The following CENPP variants were observed in gnomAD, a reference collection of about 807,000 sequenced individuals.
CENPP encodes the protein centromere protein P.
CENPP carries 24 observed loss-of-function variants against 35.6 expected under a neutral mutation model. The observed-to-expected ratio is 0.67, with a 90% CI of 0.49 to 0.95. The LOEUF (loss-of-function observed/expected upper bound fraction) is 0.95, where lower values mean the gene tolerates loss of function less well. CENPP is among the 40% of genes least tolerant of loss of function. CENPP has a pLI of 0.00. For missense variants in CENPP, 332 were observed against 345.3 expected, an observed-to-expected ratio of 0.96 and a Z score of 0.31; for synonymous variants, 120 against 125.5, an observed-to-expected ratio of 0.96 and a Z score of 0.29.
At chr9:92,365,867 T>C (rs10115222) in intron 4 of CENPP, among the ~76,000 whole-genome samples, 61,396 of 151,366 alleles carry the variant, frequency 0.41, 14,698 homozygotes, top group African/African-American at 0.66. Context: ...ATCTGCAAAA[T>C]GAAAGAACTG....
At position 92,392,634 on chromosome 9, in the gene CENPP, G is replaced by GA. The variant is rs148375786; in HGVS notation, c.564+12785dup. 8.7e-3 allele frequency among the ~76,000 whole-genome samples: 1,243 copies of GA among 143,552 alleles called. 5 individuals carry two copies. Among genetic ancestry groups the GA allele is most frequent in the Non-Finnish European group, 0.013 (841 of 65,116 alleles). 94.2% of individuals were successfully genotyped at this position (143,552 alleles called of 152,430 possible). A position where few individuals can be genotyped will look rare whatever the true frequency, so the allele number is the denominator to read the frequency against. On this transcript the variant is annotated intron_variant, in intron 5 of 7. Transcript: ENST00000375587. ...CATGTCGGGTTGGGGGGAGGGGGGAGAAAAAAAAAACACTTCCCAAGATAT... is the reference window on the plus strand; with the variant it reads ...CATGTCGGGTTGGGGGGAGGGGGGAGAAAAAAAAAAACACTTCCCAAGATAT...
At chr9:92,564,732 C>T (rs1419960737) in intron 5 of CENPP, among the ~76,000 whole-genome samples, 1 of 152,182 alleles carries the variant, frequency 6.6e-6, no homozygotes, top group Non-Finnish European at 1.5e-5. Context: ...AGATCATAGA[C>T]CATGATTTAT....
chr9:92,523,120 G>A (rs1467265676), intron 5 of CENPP, among the ~76,000 whole-genome samples: 16 of 149,906 alleles, frequency 1.1e-4, no homozygotes. Flanking sequence ...TTGCTCCATC[G>A]CCCAGGCTGG....
At chr9:92,460,472 A>G (rs1564332900) in intron 5 of CENPP, 3 of 1,574,380 alleles carry the variant, frequency 1.9e-6, no homozygotes, top group Non-Finnish European at 2.6e-6. Flanking sequence ...GGGAACGTTT[A>G]CCTTTGTAGT....
intron 5 of CENPP, among the ~76,000 whole-genome samples, chr9:92,563,841 T>G (rs1564004429): frequency 6.7e-6 from 1 of 149,210 alleles, no homozygotes; most frequent in Non-Finnish European, 1.5e-5. Flanking sequence ...ATTGTGAGGC[T>G]GGAGGGTTGA....
At chr9:92,366,642 A>G (rs1841895492) in intron 4 of CENPP, among the ~76,000 whole-genome samples, 1 of 152,246 alleles carries the variant, frequency 6.6e-6, no homozygotes, top group Admixed American at 6.5e-5. Context: ...TTTTTAAAAT[A>G]AAACACAGAA....
intron 5 of CENPP, among the ~76,000 whole-genome samples, chr9:92,391,192 C>T (rs997972361): frequency 6.6e-5 from 10 of 150,602 alleles, no homozygotes; most frequent in African/African-American, 9.8e-5. Flanking sequence ...GTCAGGAGAT[C>T]GAGACCATCC....
At chr9:92,528,775 C>T (rs561669612) in intron 5 of CENPP, among the ~76,000 whole-genome samples, 21 of 152,238 alleles carry the variant, frequency 1.4e-4, no homozygotes, top group East Asian at 1.2e-3. Context: ...AATTAAACTG[C>T]GTACAATAAC....
intron 5 of CENPP, among the ~76,000 whole-genome samples, chr9:92,409,201 T>C (rs1298058340): frequency 6.6e-6 from 1 of 152,242 alleles, no homozygotes; most frequent in Non-Finnish European, 1.5e-5. Flanking sequence ...TAACTTGGAA[T>C]AGTTATATCA....
At chr9:92,571,781 A>G (rs1176411557) in intron 5 of CENPP, among the ~76,000 whole-genome samples, 2 of 152,098 alleles carry the variant, frequency 1.3e-5, no homozygotes, top group African/African-American at 2.4e-5. Flanking sequence ...GGGTGCATAT[A>G]TATTTAGGAT....
chr9:92,441,361 C>A (rs1303973393), intron 5 of CENPP, among the ~76,000 whole-genome samples: 1 of 152,106 alleles, frequency 6.6e-6, no homozygotes, highest in Non-Finnish European at 1.5e-5. Flanking sequence ...AAAATCTAGA[C>A]TGTGGGAAAT....
At chr9:92,483,971 T>C (rs574712042) in intron 5 of CENPP, among the ~76,000 whole-genome samples, 8 of 152,268 alleles carry the variant, frequency 5.3e-5, no homozygotes, top group African/African-American at 1.9e-4. Context: ...TTTATTCAAG[T>C]ATATTTCAGT....
intron 5 of CENPP, among the ~76,000 whole-genome samples, chr9:92,524,155 T>C (rs756036894): frequency 1.1e-4 from 16 of 152,220 alleles, no homozygotes; most frequent in Non-Finnish European, 2.2e-4. Flanking sequence ...CCAGCCGTTT[T>C]CTGTTTTGTG....
At chr9:92,570,539 C>G (rs1259664714) in intron 5 of CENPP, among the ~76,000 whole-genome samples, 4 of 152,066 alleles carry the variant, frequency 2.6e-5, no homozygotes. Flanking sequence ...CTAAAATGCT[C>G]TTTTTTTGTG....
chr9:92,581,889 A>T (rs1850434184), intron 5 of CENPP, among the ~76,000 whole-genome samples: 1 of 152,160 alleles, frequency 6.6e-6, no homozygotes, highest in African/African-American at 2.4e-5. Context: ...AAATGTTCTG[A>T]ATTCTTGTGT....
chr9:92,416,758 G>A, intron 5 of CENPP: 2 of 1,613,696 alleles, frequency 1.2e-6, no homozygotes, highest in Non-Finnish European at 1.7e-6. Flanking sequence ...CTTGTAGTTT[G>A]TTGTGTGACA....
chr9:92,532,029 A>ATTTTTTTTTTTTTTTTTTTTTTTTTT (rs201461115), intron 5 of CENPP, among the ~76,000 whole-genome samples: 8 of 91,028 alleles, frequency 8.8e-5, no homozygotes, highest in Non-Finnish European at 1.3e-4. Flanking sequence ...TTTTTTTTTT[A>ATTTTTTTTTTTTTTTTTTTTTTTTTT]TTTTATTTTT....
intron 5 of CENPP, chr9:92,505,452 A>G (rs944401738): frequency 4.1e-6 from 5 of 1,222,870 alleles, no homozygotes; most frequent in Non-Finnish European, 4.6e-6. Context: ...TTACATCACA[A>G]TAGTCTTAAA....
chr9:92,427,214 G>A (rs1588123047), intron 5 of CENPP, among the ~76,000 whole-genome samples: 2 of 152,212 alleles, frequency 1.3e-5, no homozygotes, highest in African/African-American at 4.8e-5. Flanking sequence ...CAAGGCTGGA[G>A]TGCAATGGCG....
Sources: allele counts gnomAD v4.1 joint callset (sites outside exome capture counted in the v4.1 genomes callset), GRCh38; gene constraint gnomAD v4.1.1; transcripts MANE v1.5; gene names NCBI Gene and HGNC (gene_info 2026-07-23, HGNC 2026-07-21).